ADGRL2: variants seen among roughly 807,000 people sequenced by gnomAD.
ADGRL2 encodes adhesion G protein-coupled receptor L2, also known as calcium-independent alpha-latrotoxin receptor 2.
A neutral mutation model predicts 157.4 loss-of-function variants in ADGRL2; 44 were observed. The observed-to-expected ratio is 0.28, with a 90% CI of 0.22 to 0.36. ADGRL2 has a LOEUF of 0.36. Among genes scored for constraint, ADGRL2 ranks in the 10% least tolerant of loss-of-function variants. The probability of loss-of-function intolerance (pLI) is 1.00; values close to 1 mark genes in which losing one functional copy is unlikely to be tolerated. For synonymous variants in ADGRL2, 585 were observed against 624.7 expected (o/e 0.94, Z 0.95); for missense variants, 1,510 against 1,768.9 (o/e 0.85, Z 2.63).
At chr1:81,774,728 C>CT (rs2086509297) in intron 2 of ADGRL2, among the ~76,000 whole-genome samples, 1 of 152,062 alleles carries the variant, frequency 6.6e-6, no homozygotes, top group Non-Finnish European at 1.5e-5. Context: ...TTTAATTACA[C>CT]TTTTTTGAAG....
At chr1:81,460,748 T>C (rs1404130914) in intron 2 of ADGRL2, among the ~76,000 whole-genome samples, 1 of 152,170 alleles carries the variant, frequency 6.6e-6, no homozygotes, top group Non-Finnish European at 1.5e-5. Flanking sequence ...AATTTCGATC[T>C]CCTGGGTCCT....
At chr1:81,501,161 T>C (rs944518614) in intron 2 of ADGRL2, among the ~76,000 whole-genome samples, 3 of 152,240 alleles carry the variant, frequency 2.0e-5, no homozygotes, top group African/African-American at 7.2e-5. Flanking sequence ...AAGGATAGAT[T>C]TGATACCTTT....
chr1:81,391,174 C>A (rs368822718), intron 1 of ADGRL2, among the ~76,000 whole-genome samples: 848 of 151,574 alleles, frequency 5.6e-3, no homozygotes, highest in African/African-American at 0.019. Context: ...AAAATTGATT[C>A]ATTGATGCAG....
intron 1 of ADGRL2, among the ~76,000 whole-genome samples, chr1:81,421,414 C>A (rs997530786): frequency 5.8e-4 from 89 of 152,280 alleles, no homozygotes; most frequent in African/African-American, 2.1e-3. Context: ...ACCCTTTCAT[C>A]GACTTGCATT....
At chr1:81,662,252 C>CTTTTTT (rs368764970) in intron 3 of ADGRL2, among the ~76,000 whole-genome samples, 28 of 127,478 alleles carry the variant, frequency 2.2e-4, no homozygotes, top group East Asian at 2.3e-4. Context: ...CTCATTCATT[C>CTTTTTT]TTTTTTTTTT....
intron 19 of ADGRL2, among the ~76,000 whole-genome samples, chr1:81,983,828 CT>C (rs975301571): frequency 6.6e-6 from 1 of 150,922 alleles, no homozygotes; most frequent in Non-Finnish European, 1.5e-5. Flanking sequence ...GACCTAACAA[CT>C]TTTTTTTTGC....
At position 81,966,458 on chromosome 1, in the gene ADGRL2, C is replaced by T. The variant is rs958097534; in HGVS notation, c.2198C>T (p.Thr733Ile). 3.1e-6 allele frequency: 5 copies of T among 1,613,936 alleles called. No individual in the cohort carries two copies. The East Asian group carries it at 8.9e-5, about 29-fold the overall frequency. Reference sequence around the variant, plus strand: ...CGGAGCCTGGGACAGTTCCTTAGTACAGAAAATGCAACCATTAAACTGGGT... The same window carrying T: ...CGGAGCCTGGGACAGTTCCTTAGTATAGAAAATGCAACCATTAAACTGGGT... Reference protein sequence around the residue: ...IYRSLGQFLSTENATIKLGAD... With the variant: ...IYRSLGQFLSIENATIKLGAD... The change falls in exon 13 of 24, where the codon ACA (threonine) becomes ATA (isoleucine). Residue 733 changes from threonine to isoleucine, a missense_variant. Physicochemically the swap from Thr to Ile is moderately conservative, Grantham distance 89. This residue lies in a region of ADGRL2 where 497 missense variants were observed against 627.2 expected (regional missense o/e 0.79). Coordinates refer to ENST00000686636, the MANE Select transcript of ADGRL2 (RefSeq NM_001366006.2).
At chr1:81,715,809 A>G (rs1357652723) in intron 1 of ADGRL2, among the ~76,000 whole-genome samples, 1 of 152,146 alleles carries the variant, frequency 6.6e-6, no homozygotes, top group Non-Finnish European at 1.5e-5. Context: ...ACAGAAGTCA[A>G]AAGAAGTAGA....
chr1:81,702,163 A>G (rs2083594358), intron 1 of ADGRL2, among the ~76,000 whole-genome samples: 2 of 152,302 alleles, frequency 1.3e-5, no homozygotes, highest in South Asian at 4.2e-4. Context: ...CTGAAAGCCT[A>G]TATCTGTAAG....
chr1:81,927,120 G>A (rs918149281), intron 3 of ADGRL2, among the ~76,000 whole-genome samples: 2 of 151,774 alleles, frequency 1.3e-5, no homozygotes, highest in Non-Finnish European at 2.9e-5. Flanking sequence ...CAAATGCAAA[G>A]GTTATGGGAA....
At chr1:81,441,430 A>C (rs1161793436) in intron 1 of ADGRL2, among the ~76,000 whole-genome samples, 1 of 152,218 alleles carries the variant, frequency 6.6e-6, no homozygotes, top group Non-Finnish European at 1.5e-5. Context: ...TCCCCATCCC[A>C]GAATACAAGG....
chr1:81,696,183 A>G (rs1342150962), upstream of ADGRL2, among the ~76,000 whole-genome samples: 1 of 152,130 alleles, frequency 6.6e-6, no homozygotes, highest in East Asian at 1.9e-4. Flanking sequence ...ATTTTTACAA[A>G]ACAGCATAGC....
intron 3 of ADGRL2, among the ~76,000 whole-genome samples, chr1:81,614,088 A>T (rs2081595815): frequency 6.6e-6 from 1 of 152,116 alleles, no homozygotes; most frequent in Non-Finnish European, 1.5e-5. Context: ...TTAGTTCAAT[A>T]CGGCAATTGT....
intron 2 of ADGRL2, among the ~76,000 whole-genome samples, chr1:81,851,926 T>C (rs560158333): frequency 6.6e-6 from 1 of 151,954 alleles, no homozygotes; most frequent in Non-Finnish European, 1.5e-5. Context: ...TATAGGATTT[T>C]TTTTATATAT....
upstream of ADGRL2, among the ~76,000 whole-genome samples, chr1:81,696,481 G>A (rs111227994): frequency 3.3e-3 from 507 of 152,186 alleles, 1 homozygote; most frequent in Admixed American, 5.4e-3. Flanking sequence ...GGCCAGGCGC[G>A]GTGGCTCACG....
At chr1:81,641,869 A>G (rs906078402) in intron 3 of ADGRL2, among the ~76,000 whole-genome samples, 6 of 152,156 alleles carry the variant, frequency 3.9e-5, no homozygotes, top group African/African-American at 1.4e-4. Context: ...ATAGAAAATT[A>G]GTATGAAAAT....
rs1164074011 is a variant in ADGRL2 at position 81,790,270 on chromosome 1, CACAT to C, written c.-101+28419_-101+28422del. Among the ~76,000 whole-genome samples the C allele has an allele frequency of 3.3e-5, 5 of 152,264 alleles. No individual in the cohort carries two copies. The East Asian group carries it at 7.7e-4, about 24-fold the overall frequency. ...CCTATCTAATGCACGCACACACACA[CACAT>C]GAACACACACAAAAACACACACTCA... On this transcript the variant is annotated intron_variant, in intron 2 of 20. Coordinates refer to the ADGRL2 transcript ENST00000359929.
intron 2 of ADGRL2, among the ~76,000 whole-genome samples, chr1:81,762,558 T>C (rs953872311): frequency 2.6e-4 from 39 of 152,162 alleles, no homozygotes; most frequent in African/African-American, 8.9e-4. Context: ...CCTATGATGC[T>C]CTTTTATTTT....
chr1:81,565,136 A>G (rs2080529256), intron 2 of ADGRL2, among the ~76,000 whole-genome samples: 1 of 152,212 alleles, frequency 6.6e-6, no homozygotes, highest in African/African-American at 2.4e-5. Context: ...CAAAGACAAC[A>G]GCTGTTTGAA....
Sources: gnomAD v4.1 joint callset for allele counts (sites outside exome capture counted in the v4.1 genomes callset) on GRCh38, gnomAD v4.1.1 for gene constraint, gnomAD v4.1.1 regional missense constraint, MANE v1.5 for transcripts, NCBI Gene and HGNC (gene_info 2026-07-23, HGNC 2026-07-21) for gene names.